MTCL1: variants seen among roughly 807,000 people sequenced by gnomAD.
MTCL1 encodes microtubule cross-linking factor 1.
MTCL1 carries 79 observed loss-of-function variants against 141.4 expected under a neutral mutation model. That is an observed-to-expected ratio of 0.56 (90% CI 0.47 to 0.67). The LOEUF (loss-of-function observed/expected upper bound fraction) is 0.67, where lower values mean the gene tolerates loss of function less well. Among genes scored for constraint, MTCL1 ranks in the 30% least tolerant of loss-of-function variants. The pLI is 0.00. For missense variants in MTCL1, 2,177 were observed against 2,113.9 expected (o/e 1.03, Z -0.59); for synonymous variants, 914 against 875.8 (o/e 1.04, Z -0.77).
chr18:8,813,062 G>A (rs752991051), exon 12 of MTCL1: 3 of 1,614,088 alleles, frequency 1.9e-6, no homozygotes, highest in Non-Finnish European at 2.5e-6. Flanking sequence ...AGAGAGAGGT[G>A]CACCAGAAGC....
At chr18:8,731,006 G>A (rs2096247338) in intron 4 of MTCL1, among the ~76,000 whole-genome samples, 1 of 152,184 alleles carries the variant, frequency 6.6e-6, no homozygotes, top group Admixed American at 6.5e-5. Context: ...GCACTTTGGG[G>A]AGGCCGAGGT....
chr18:8,710,908 C>CT (rs1304309596), intron 1 of MTCL1, among the ~76,000 whole-genome samples: 6 of 46,058 alleles, frequency 1.3e-4, no homozygotes, highest in African/African-American at 4.9e-4. Flanking sequence ...TTTTATTATA[C>CT]TTTAAGTTTT....
upstream of MTCL1, among the ~76,000 whole-genome samples, chr18:8,714,353 G>A (rs770413848): frequency 5.9e-5 from 9 of 152,128 alleles, no homozygotes; most frequent in African/African-American, 1.9e-4. Flanking sequence ...AATAAACGAC[G>A]CCTGTTCTGT....
At chr18:8,770,680 G>A (rs1339690307) in intron 4 of MTCL1, among the ~76,000 whole-genome samples, 1 of 152,210 alleles carries the variant, frequency 6.6e-6, no homozygotes, top group East Asian at 1.9e-4. Context: ...GATGTGTAAA[G>A]AGAGTTTAGC....
Position 8,766,374 on chromosome 18 carries a change from C to T in MTCL1, c.358-11459C>T, listed in dbSNP as rs573151857. 8.5e-5 allele frequency among the ~76,000 whole-genome samples: 13 copies of T among 152,114 alleles called. No individual in the cohort carries two copies. The East Asian group carries it at 1.5e-3, about 18-fold the overall frequency. Reference sequence around the variant, plus strand: ...GGGAGAAAGGAGCAGCTGTCTCTGCCGTGGCTGCTGCAGGGACACTGTGTA... The same window carrying T: ...GGGAGAAAGGAGCAGCTGTCTCTGCTGTGGCTGCTGCAGGGACACTGTGTA... On this transcript the variant is annotated intron_variant, in intron 4 of 16. Transcript: ENST00000359865.
At chr18:8,714,169 G>A (rs191480063), upstream of MTCL1, among the ~76,000 whole-genome samples, 15 of 152,276 alleles carry the variant, frequency 9.9e-5, no homozygotes, top group Admixed American at 3.3e-4. Context: ...GTATTTACTC[G>A]AAAGAGTGTG....
Position 8,718,413 on chromosome 18 carries a change from G to C in MTCL1, c.-27-11G>C. ...CTTGGCTCATAAATCTTCTCTGTCTGATTTGCATAGGATGAGTTAGATGAA... is the reference window on the plus strand; with the variant it reads ...CTTGGCTCATAAATCTTCTCTGTCTCATTTGCATAGGATGAGTTAGATGAA... On this transcript the variant is annotated splice_polypyrimidine_tract_variant and intron_variant, in intron 2 of 16. Coordinates refer to ENST00000359865, the Ensembl canonical transcript of MTCL1. 6.2e-7 allele frequency: 1 copy of C among 1,612,970 alleles called. No individual in the cohort carries two copies. Among genetic ancestry groups the C allele is most frequent in the South Asian group, 1.1e-5 (1 of 90,962 alleles).
chr18:8,778,063 A>T (rs1314664831), intron 5 of MTCL1, 171 bp downstream of exon 4: 1 of 520,366 alleles, frequency 1.9e-6, no homozygotes, highest in African/African-American at 1.9e-5. Context: ...TTCTTTGCAA[A>T]CCCACAGCTC....
chr18:8,716,339 A>T (rs1460616719), upstream of MTCL1, among the ~76,000 whole-genome samples: 1 of 152,158 alleles, frequency 6.6e-6, no homozygotes, highest in Non-Finnish European at 1.5e-5. Context: ...TTGATGGGAT[A>T]GTGTAGGCAG....
rs1393772227 is a variant in MTCL1, at chr18:8,826,177, G to C, written c.4667G>C (p.Gly1556Ala). Reference sequence around the variant, plus strand: ...AGGCAGGCTGCCCACGGGCCCCCGGGTCTCCACAGTGACAGCCACTCGCTG... The same window carrying C: ...AGGCAGGCTGCCCACGGGCCCCCGGCTCTCCACAGTGACAGCCACTCGCTG... Residue 1556 changes from glycine to alanine, a missense_variant, in exon 15 of 17, where the codon GGT (glycine) becomes GCT (alanine). Coordinates refer to ENST00000359865, the Ensembl canonical transcript of MTCL1. The C allele has an allele frequency of 5.6e-6, 9 of 1,611,810 alleles. No individual in the cohort carries two copies. In the African/African-American group the frequency reaches 9.3e-5, roughly 17 times the overall value.
At chr18:8,766,129 T>G (rs1424892739) in intron 4 of MTCL1, among the ~76,000 whole-genome samples, 1 of 152,188 alleles carries the variant, frequency 6.6e-6, no homozygotes, top group Non-Finnish European at 1.5e-5. Flanking sequence ...TTGGTGTCAT[T>G]TAGAAGACAA....
upstream of MTCL1, among the ~76,000 whole-genome samples, chr18:8,714,789 C>G (rs935582219): frequency 2.0e-5 from 3 of 151,322 alleles, no homozygotes; most frequent in Non-Finnish European, 2.9e-5. Flanking sequence ...TGATCTCTCC[C>G]TAATTTTCTT....
chr18:8,782,105 C>T (rs193260788), intron 5 of MTCL1: 4 of 152,388 alleles, frequency 2.6e-5, no homozygotes, highest in Admixed American at 2.6e-4. Flanking sequence ...GAGTGTGCGA[C>T]CAGACTGCGG....
chr18:8,772,161 T>C (rs2143073082), intron 4 of MTCL1, among the ~76,000 whole-genome samples: 1 of 152,378 alleles, frequency 6.6e-6, no homozygotes, highest in African/African-American at 2.4e-5. Context: ...GGGGACCATA[T>C]GCCTGGAGTT....
intron 4 of MTCL1, among the ~76,000 whole-genome samples, chr18:8,723,809 G>A (rs2096189474): frequency 6.6e-6 from 1 of 152,144 alleles, no homozygotes; most frequent in South Asian, 2.1e-4. Flanking sequence ...CTGTAGGTTC[G>A]GCTTTTGCAG....
chr18:8,759,714 G>A (rs577146122), intron 4 of MTCL1, among the ~76,000 whole-genome samples: 1 of 152,346 alleles, frequency 6.6e-6, no homozygotes, highest in East Asian at 1.9e-4. Context: ...CCAGAAAAAA[G>A]TGTGATGGCC....
chr18:8,820,885 A>C (rs535367862), intron 13 of MTCL1, among the ~76,000 whole-genome samples: 1 of 152,188 alleles, frequency 6.6e-6, no homozygotes, highest in South Asian at 2.1e-4. Context: ...CCTCGTGTTT[A>C]TGCCGTTCTC....
rs762612165 is a variant in MTCL1 at position 8,809,409 on chromosome 18, A to G, written c.2604+2349A>G. 21 of 1,518,876 alleles carry G rather than the reference A, an allele frequency of 1.4e-5. No individual in the cohort carries two copies. The African/African-American group carries it at 2.7e-4, about 19-fold the overall frequency. The allele number at this position is 1,518,876 out of a possible 1,614,324, so 94.1% of individuals were successfully genotyped here. ...TTGAAAGGAAGTATGGAATGAAAGAATAAAAAGTAATCACACACATCTCTC... is the reference window on the plus strand; with the variant it reads ...TTGAAAGGAAGTATGGAATGAAAGAGTAAAAAGTAATCACACACATCTCTC... On this transcript the variant is annotated intron_variant, in intron 11 of 16. Transcript: ENST00000359865.
intron 4 of MTCL1, among the ~76,000 whole-genome samples, chr18:8,725,921 C>A (rs2096207282): frequency 6.6e-6 from 1 of 151,558 alleles, no homozygotes; most frequent in Non-Finnish European, 1.5e-5. Context: ...TCCGGAGCAG[C>A]TGGGACTACA....
Sources: gnomAD v4.1 joint callset for allele counts (sites outside exome capture counted in the v4.1 genomes callset) on GRCh38, gnomAD v4.1.1 for gene constraint, MANE v1.5 for transcripts, NCBI Gene and HGNC (gene_info 2026-07-23, HGNC 2026-07-21) for gene names.